IL1RAPL1: variants seen among roughly 807,000 people sequenced by gnomAD.
IL1RAPL1 encodes the protein interleukin-1 receptor accessory protein-like 1.
A neutral mutation model predicts 48.4 loss-of-function variants in IL1RAPL1; 3 were observed. That is an observed-to-expected ratio of 0.06 (90% CI 0.03 to 0.16). The LOEUF (loss-of-function observed/expected upper bound fraction) is 0.16, where lower values mean the gene tolerates loss of function less well. IL1RAPL1 is among the 10% of genes least tolerant of loss of function. IL1RAPL1 has a pLI of 1.00. For missense variants in IL1RAPL1, 349 were observed against 530.6 expected (o/e 0.66, Z 3.36); for synonymous variants, 185 against 187.7 (o/e 0.99, Z 0.12).
chrX:28,730,447 T>C (rs969215758), intron 1 of IL1RAPL1, among the ~76,000 whole-genome samples: 1 of 111,987 alleles, frequency 8.9e-6, no homozygotes, highest in Non-Finnish European at 1.9e-5. Flanking sequence ...AAATAGATAC[T>C]TGGCCATATT....
At chrX:28,958,067 T>C (rs936425071) in intron 2 of IL1RAPL1, among the ~76,000 whole-genome samples, 3 of 111,915 alleles carry the variant, frequency 2.7e-5, no homozygotes, top group Non-Finnish European at 3.8e-5. Context: ...CATTTTTGAA[T>C]GGCCAATGGA....
intron 2 of IL1RAPL1, among the ~76,000 whole-genome samples, chrX:28,873,523 CTTTTTTTTTTTTTTTT>C (rs10554661): frequency 1.8e-5 from 1 of 56,679 alleles, no homozygotes; most frequent in Admixed American, 2.4e-4. Context: ...TTCTTTCTTT[CTTTTTTTTTTTTTTTT>C]TTTTTTTTTT....
At chrX:28,975,901 G>A (rs997902517) in intron 2 of IL1RAPL1, among the ~76,000 whole-genome samples, 1 of 111,538 alleles carries the variant, frequency 9.0e-6, no homozygotes, top group African/African-American at 3.3e-5. Flanking sequence ...TGAGGTATTA[G>A]GATGTCTCAG....
rs183416315 is a variant in IL1RAPL1, at chrX:29,703,633, G to A, written c.778+35129G>A. On this transcript the variant is annotated intron_variant, in intron 6 of 10. Transcript: ENST00000378993. ...GCTGGGATTACAGGCGTGAGCCACC[G>A]CGCCCAGAATATATATTTTAATACT... Among the ~76,000 whole-genome samples the A allele has an allele frequency of 2.4e-4, 27 of 111,783 alleles. No individual in the cohort carries two copies. The East Asian group carries it at 4.8e-3, about 20-fold the overall frequency.
At chrX:29,598,839 A>G (rs1176746900) in intron 5 of IL1RAPL1, among the ~76,000 whole-genome samples, 2 of 111,999 alleles carry the variant, frequency 1.8e-5, no homozygotes, top group Non-Finnish European at 3.8e-5. Flanking sequence ...TGATATAAGA[A>G]TAGCTACCCG....
At chrX:29,841,831 A>G (rs762538399) in intron 6 of IL1RAPL1, among the ~76,000 whole-genome samples, 25 of 111,598 alleles carry the variant, frequency 2.2e-4, no homozygotes, top group Non-Finnish European at 4.1e-4. Flanking sequence ...TCAGTGATTC[A>G]CTAAGAGGAC....
chrX:29,451,624 G>C (rs758358884), intron 5 of IL1RAPL1, among the ~76,000 whole-genome samples: 1 of 111,466 alleles, frequency 9.0e-6, no homozygotes, highest in African/African-American at 3.3e-5. Context: ...CTCTCTCTCT[G>C]TGTGTATATA....
chrX:29,657,613 G>A (rs1162343458), intron 5 of IL1RAPL1, among the ~76,000 whole-genome samples: 2 of 111,500 alleles, frequency 1.8e-5, no homozygotes. Flanking sequence ...TGCCTTTTTT[G>A]TGTTCCAAAA....
At chrX:28,731,969 C>A (rs1030055623) in intron 1 of IL1RAPL1, among the ~76,000 whole-genome samples, 6 of 111,397 alleles carry the variant, frequency 5.4e-5, no homozygotes, top group Non-Finnish European at 1.1e-4. Context: ...AGCGACGCTA[C>A]AGGCAGGGAT....
intron 1 of IL1RAPL1, among the ~76,000 whole-genome samples, chrX:28,662,269 G>A (rs1488003193): frequency 2.7e-5 from 3 of 111,063 alleles, no homozygotes; most frequent in Admixed American, 9.7e-5. Context: ...CACAGAGGGC[G>A]GGCCTCCAGG....
chrX:29,608,775 G>T (rs940150702), intron 5 of IL1RAPL1, among the ~76,000 whole-genome samples: 1 of 105,136 alleles, frequency 9.5e-6, no homozygotes, highest in Non-Finnish European at 1.9e-5. Flanking sequence ...GCAGTGAGCC[G>T]AGATCTCACC....
intron 1 of IL1RAPL1, among the ~76,000 whole-genome samples, chrX:28,758,070 G>T (rs762554688): frequency 8.9e-6 from 1 of 112,066 alleles, no homozygotes; most frequent in Non-Finnish European, 1.9e-5. Flanking sequence ...AATTTAGATA[G>T]CTTTATTTGC....
chrX:29,040,882 A>G (rs1926831729), intron 2 of IL1RAPL1, among the ~76,000 whole-genome samples: 1 of 112,069 alleles, frequency 8.9e-6, no homozygotes, highest in African/African-American at 3.2e-5. Context: ...CTAACTGTAG[A>G]TGTTGCAGAT....
At chrX:29,695,597 C>CGAGA (rs10635140) in intron 6 of IL1RAPL1, among the ~76,000 whole-genome samples, 11,080 of 94,669 alleles carry the variant, frequency 0.12, 1,292 homozygotes, top group African/African-American at 0.33. Context: ...TGCAAGGTGG[C>CGAGA]GAGAGAGAGA....
chrX:28,667,796 A>G (rs377594862), intron 1 of IL1RAPL1, among the ~76,000 whole-genome samples: 1 of 111,833 alleles, frequency 8.9e-6, no homozygotes, highest in Non-Finnish European at 1.9e-5. Context: ...GCAGAATGCT[A>G]TCTTCTTATA....
intron 2 of IL1RAPL1, among the ~76,000 whole-genome samples, chrX:29,255,146 T>C (rs190220890): frequency 0.033 from 3,591 of 107,818 alleles, 172 homozygotes; most frequent in African/African-American, 0.12. Context: ...TGTGTGCGTG[T>C]GTGTGTGTGT....
intron 5 of IL1RAPL1, among the ~76,000 whole-genome samples, chrX:29,526,469 C>T (rs1935554060): frequency 9.0e-6 from 1 of 111,565 alleles, no homozygotes; most frequent in South Asian, 3.6e-4. Flanking sequence ...AAGTAAAATT[C>T]CCTCTATTTG....
At chrX:28,651,731 G>A (rs978195846) in intron 1 of IL1RAPL1, among the ~76,000 whole-genome samples, 17 of 112,136 alleles carry the variant, frequency 1.5e-4, no homozygotes, top group African/African-American at 5.5e-4. Flanking sequence ...TCTGAATGGC[G>A]TTTGGTATAT....
intron 5 of IL1RAPL1, among the ~76,000 whole-genome samples, chrX:29,655,654 A>C (rs1467735909): frequency 9.7e-6 from 1 of 102,656 alleles, no homozygotes; most frequent in African/African-American, 3.7e-5. Flanking sequence ...CAGTCTCCAA[A>C]AAAAAAAAAA....
Sources: allele counts gnomAD v4.1 joint callset (sites outside exome capture counted in the v4.1 genomes callset), GRCh38; gene constraint gnomAD v4.1.1; transcripts MANE v1.5; gene names NCBI Gene and HGNC (gene_info 2026-07-23, HGNC 2026-07-21).